CNTN4: variants seen among roughly 807,000 people sequenced by gnomAD.
CNTN4 encodes contactin 4, also known as contactin-4.
Under a neutral mutation model 122.5 loss-of-function variants are expected in CNTN4, and 77 were observed. The ratio of observed to expected loss-of-function variants is 0.63; its 90% CI spans 0.52 to 0.76. The LOEUF is 0.76. Ranked by LOEUF, CNTN4 falls within the 30% of genes least tolerant of loss-of-function variation. CNTN4 has a pLI of 0.00. For synonymous variants in CNTN4, 512 were observed against 447.0 expected, an observed-to-expected ratio of 1.15 and a Z score of -1.83; for missense variants, 1,256 against 1,259.1, an observed-to-expected ratio of 1.00 and a Z score of 0.04.
Position 2,548,095 on chromosome 3 carries a change from T to A in CNTN4, c.-88-23321T>A, listed in dbSNP as rs530140868. ...ATTAGCCCTTTGTCAGATGGATAGA[T>A]TGCAAAAAATTTTCTCCCATTCTGT... On this transcript the variant is annotated intron_variant, in intron 3 of 24. Coordinates refer to ENST00000418658, the MANE Select transcript of CNTN4 (RefSeq NM_175607.3). Among the ~76,000 whole-genome samples, 17 of 152,276 alleles carry A rather than the reference T, an allele frequency of 1.1e-4. 1 individual carries two copies. The highest frequency in any genetic ancestry group is 4.1e-4 in the African/African-American group (17 of 41,578).
Position 3,029,331 on chromosome 3 carries a change from A to G in CNTN4, c.1663-1524A>G, listed in dbSNP as rs116485506. On this transcript the variant is annotated intron_variant, in intron 15 of 24. Transcript: ENST00000418658. ...CAAGGTTTCAGAAGATTTTCACATA[A>G]CACAGATAATCTCATTTGATTTTCA... 3.4e-3 allele frequency among the ~76,000 whole-genome samples: 515 copies of G among 152,346 alleles called. 4 individuals are homozygous for G. Among genetic ancestry groups the G allele is most frequent in the African/African-American group, 0.011 (470 of 41,582 alleles).
intron 2 of CNTN4, among the ~76,000 whole-genome samples, chr3:2,163,292 C>A (rs1249216558): frequency 6.6e-6 from 1 of 152,144 alleles, no homozygotes; most frequent in African/African-American, 2.4e-5. Context: ...GGAAAACTGG[C>A]AAGCCACATG....
intron 3 of CNTN4, among the ~76,000 whole-genome samples, chr3:2,456,793 C>A (rs2049021396): frequency 6.6e-6 from 1 of 152,040 alleles, no homozygotes; most frequent in Non-Finnish European, 1.5e-5. Flanking sequence ...GAGTTGTTTC[C>A]ACCTTTTGGC....
At chr3:2,104,697 C>G (rs9814526) in intron 2 of CNTN4, among the ~76,000 whole-genome samples, 26,093 of 152,126 alleles carry the variant, frequency 0.17, 2,808 homozygotes, top group Non-Finnish European at 0.25. Context: ...TCCTTTGCTG[C>G]AAGGGAAGCT....
At chr3:2,446,356 C>G (rs144118874) in intron 3 of CNTN4, among the ~76,000 whole-genome samples, 2 of 131,626 alleles carry the variant, frequency 1.5e-5, no homozygotes, top group African/African-American at 5.9e-5. Context: ...ATGCCACATG[C>G]AAAGATAAAC....
chr3:2,153,183 A>C (rs74628516), intron 2 of CNTN4, among the ~76,000 whole-genome samples: 3,237 of 152,236 alleles, frequency 0.021, 119 homozygotes, highest in African/African-American at 0.073. Context: ...TGGAGACAAA[A>C]ATGTAAGCGT....
At chr3:2,198,366 AG>A (rs1575063825) in intron 2 of CNTN4, among the ~76,000 whole-genome samples, 1 of 152,328 alleles carries the variant, frequency 6.6e-6, no homozygotes. Context: ...AACTGTTGTC[AG>A]CTTTCAAGTT....
intron 2 of CNTN4, among the ~76,000 whole-genome samples, chr3:2,235,111 G>A (rs193214790): frequency 2.0e-4 from 31 of 152,196 alleles, no homozygotes; most frequent in African/African-American, 5.5e-4. Context: ...GAGAACACCC[G>A]TAAGTTTATA....
intron 2 of CNTN4, among the ~76,000 whole-genome samples, chr3:2,141,064 T>C (rs1189859890): frequency 6.6e-6 from 1 of 152,190 alleles, no homozygotes; most frequent in Non-Finnish European, 1.5e-5. Flanking sequence ...GGAATATCAG[T>C]TGCTGGGGGA....
intron 3 of CNTN4, among the ~76,000 whole-genome samples, chr3:2,470,755 C>T (rs543920645): frequency 2.6e-5 from 4 of 152,278 alleles, no homozygotes; most frequent in African/African-American, 9.6e-5. Flanking sequence ...GCCTGCCTCT[C>T]GTTTTAGGAA....
chr3:2,142,968 G>A (rs930072385), intron 2 of CNTN4, among the ~76,000 whole-genome samples: 1 of 152,182 alleles, frequency 6.6e-6, no homozygotes, highest in Non-Finnish European at 1.5e-5. Flanking sequence ...AGCAAAATGA[G>A]TGCTCTATGG....
rs563400851 is a variant in CNTN4, at chr3:2,955,971, T to C, written c.1358+30192T>C. Among the ~76,000 whole-genome samples, 3 of 152,276 alleles carry C rather than the reference T, an allele frequency of 2.0e-5. No homozygotes were observed. The South Asian group carries it at 6.2e-4, about 32-fold the overall frequency. ...TTACTCCAGAATTAAAAGCAAGGAC[T>C]CAGCTAGATATTTGTACATCCATGT... is the stretch of plus-strand genomic sequence containing the variant. On this transcript the variant is annotated intron_variant, in intron 13 of 24. Coordinates refer to ENST00000418658, the MANE Select transcript of CNTN4 (RefSeq NM_175607.3).
intron 4 of CNTN4, among the ~76,000 whole-genome samples, chr3:2,673,211 T>A (rs2084639088): frequency 6.6e-6 from 1 of 152,152 alleles, no homozygotes; most frequent in Non-Finnish European, 1.5e-5. Flanking sequence ...TCATTTCATC[T>A]CCCCAAGCTT....
intron 3 of CNTN4, among the ~76,000 whole-genome samples, chr3:2,505,867 C>G (rs2076717444): frequency 6.6e-6 from 1 of 152,166 alleles, no homozygotes; most frequent in South Asian, 2.1e-4. Context: ...AAAATTAAGC[C>G]TTTCCTCTGT....
intron 3 of CNTN4, among the ~76,000 whole-genome samples, chr3:2,377,856 G>A (rs67899532): frequency 0.09 from 13,729 of 151,880 alleles, 1,045 homozygotes; most frequent in African/African-American, 0.22. Context: ...CGTCCAGTGC[G>A]ACCCAGGGAA....
chr3:2,791,075 G>A (rs554809093), intron 6 of CNTN4, among the ~76,000 whole-genome samples: 127 of 152,282 alleles, frequency 8.3e-4, no homozygotes, highest in South Asian at 5.6e-3. Flanking sequence ...CAAGATTTGA[G>A]TCGGCAGAAT....
intron 6 of CNTN4, among the ~76,000 whole-genome samples, chr3:2,764,644 A>G (rs998914093): frequency 1.3e-5 from 2 of 152,222 alleles, no homozygotes; most frequent in African/African-American, 4.8e-5. Context: ...ATATGGTCCC[A>G]TTAAGCATGC....
chr3:2,778,069 C>A (rs976225275), intron 6 of CNTN4, among the ~76,000 whole-genome samples: 1 of 148,644 alleles, frequency 6.7e-6, no homozygotes, highest in Non-Finnish European at 1.5e-5. Flanking sequence ...AAAAAATTAG[C>A]CGGGCGTGGT....
intron 3 of CNTN4, among the ~76,000 whole-genome samples, chr3:2,557,960 T>G (rs1255302485): frequency 6.6e-6 from 1 of 152,174 alleles, no homozygotes; most frequent in Non-Finnish European, 1.5e-5. Flanking sequence ...TTGAACTTTT[T>G]CTGGAAATGA....
Sources: allele counts gnomAD v4.1 joint callset (sites outside exome capture counted in the v4.1 genomes callset), GRCh38; gene constraint gnomAD v4.1.1; transcripts MANE v1.5; gene names NCBI Gene and HGNC (gene_info 2026-07-23, HGNC 2026-07-21).